Variants in HMG20A observed in about 807,000 individuals in gnomAD.
The protein encoded by HMG20A is high mobility group 20A.
In HMG20A, 17 loss-of-function variants were observed where a neutral mutation model predicts 43.9. The ratio of observed to expected loss-of-function variants is 0.39; its 90% CI spans 0.27 to 0.58. The LOEUF (loss-of-function observed/expected upper bound fraction) is 0.58. HMG20A is among the 20% of genes least tolerant of loss of function. HMG20A has a pLI of 0.59. For synonymous variants in HMG20A, 132 were observed against 147.5 expected, an observed-to-expected ratio of 0.89 and a Z score of 0.76; for missense variants, 341 against 438.2, an observed-to-expected ratio of 0.78 and a Z score of 1.98.
At chr15:77,517,141 G>A in the HMG20A span, among the ~76,000 whole-genome samples, 166 of 152,300 alleles carry the variant, frequency 1.1e-3, no homozygotes, top group African/African-American at 3.9e-3. Flanking sequence ...GAATCCCTGT[G>A]GGGATCCACG....
At chr15:77,467,371 A>T (rs1333922866) in intron 4 of HMG20A, 64 bp downstream of exon 4, 2 of 1,341,276 alleles carry the variant, frequency 1.5e-6, no homozygotes, top group Admixed American at 1.8e-5. Context: ...AACTTATATA[A>T]GAAAAGCAAA....
intron 1 of HMG20A, among the ~76,000 whole-genome samples, chr15:77,448,809 C>T (rs1006400545): frequency 3.3e-5 from 5 of 150,154 alleles, no homozygotes; most frequent in Admixed American, 6.6e-5. Flanking sequence ...TAAGGCCGGG[C>T]GCGGTGGCTC....
At chr15:77,441,150 T>C (rs1159744101) in intron 1 of HMG20A, among the ~76,000 whole-genome samples, 1 of 152,184 alleles carries the variant, frequency 6.6e-6, no homozygotes, top group Non-Finnish European at 1.5e-5. Flanking sequence ...TTCTCATTTA[T>C]AGGATAAGAA....
rs201670493 is a variant in HMG20A, at chr15:77,478,485, C to A, written c.882C>A (p.Ser294Arg). 6.5e-5 allele frequency: 105 copies of A among 1,610,690 alleles called. 2 individuals are homozygous for A. The highest frequency in any genetic ancestry group is 1.7e-6 in the Non-Finnish European group (2 of 1,180,004). ...HLETLRQVLT[S>R]SFASMPLPGS... The stretch of plus-strand genomic sequence containing the variant: ...AGACCCTGCGGCAGGTGCTGACCAG[C>A]AGCTTTGCCAGCATGCCCTTGCCTG... The change falls in exon 8 of 10, where the codon AGC (serine) becomes AGA (arginine). Residue 294 changes from serine (S) to arginine (R), a missense_variant. Coordinates refer to ENST00000336216, the MANE Select transcript of HMG20A (RefSeq NM_001304504.2).
At chr15:77,490,959 C>A in the HMG20A span, among the ~76,000 whole-genome samples, 4 of 152,196 alleles carry the variant, frequency 2.6e-5, no homozygotes, top group Admixed American at 6.5e-5. Flanking sequence ...CATGTGCACA[C>A]ATGTAGATCC....
chr15:77,519,513 A>C, the HMG20A span, among the ~76,000 whole-genome samples: 1 of 152,174 alleles, frequency 6.6e-6, no homozygotes, highest in East Asian at 1.9e-4. Context: ...CGAGTCCTGA[A>C]GGCTCTGCCC....
chr15:77,461,515 C>T (rs2072704969), intron 2 of HMG20A, among the ~76,000 whole-genome samples: 1 of 152,124 alleles, frequency 6.6e-6, no homozygotes, highest in South Asian at 2.1e-4. Flanking sequence ...GGTGTGAGAT[C>T]AAGGGTGCAA....
At chr15:77,509,260 C>T in the HMG20A span, among the ~76,000 whole-genome samples, 1 of 151,830 alleles carries the variant, frequency 6.6e-6, no homozygotes, top group African/African-American at 2.4e-5. Context: ...TTTCATCTTT[C>T]TTTCTTTCTC....
At chr15:77,496,820 G>A in the HMG20A span, among the ~76,000 whole-genome samples, 1 of 152,220 alleles carries the variant, frequency 6.6e-6, no homozygotes, top group East Asian at 1.9e-4. Context: ...TGCTCTTGAG[G>A]GAGAAATAGA....
the HMG20A span, among the ~76,000 whole-genome samples, chr15:77,500,934 T>C: frequency 6.6e-6 from 1 of 152,294 alleles, no homozygotes; most frequent in South Asian, 2.1e-4. Flanking sequence ...AGGCTTTTCT[T>C]ACCTTGTCCT....
downstream of HMG20A, among the ~76,000 whole-genome samples, chr15:77,488,287 C>T (rs1366103728): frequency 6.6e-6 from 1 of 152,182 alleles, no homozygotes; most frequent in Non-Finnish European, 1.5e-5. Flanking sequence ...ACCAACTTCT[C>T]TTCATTTCAC....
intron 3 of HMG20A, among the ~76,000 whole-genome samples, chr15:77,466,391 A>G (rs182155673): frequency 1.3e-5 from 2 of 152,172 alleles, no homozygotes; most frequent in Non-Finnish European, 2.9e-5. Flanking sequence ...CAAAAAAAAA[A>G]TTAAAATAAA....
chr15:77,449,989 C>G lies in HMG20A; in HGVS notation c.-4-8415C>G, dbSNP rs561649494. ...TGGCAACCACTAATCTTTTTACTGT[C>G]TCCATACTTTTGCTTATCCAGGATG... On this transcript the variant is annotated intron_variant, in intron 1 of 9. Coordinates refer to ENST00000336216, the MANE Select transcript of HMG20A (RefSeq NM_001304504.2). Among the ~76,000 whole-genome samples, 6 of 152,312 alleles carry G rather than the reference C, an allele frequency of 3.9e-5. No individual in the cohort carries two copies. The South Asian group carries it at 1.2e-3, about 32-fold the overall frequency.
intron 1 of HMG20A, among the ~76,000 whole-genome samples, chr15:77,443,379 G>GATGATGATGATTATTATT (rs576920554): frequency 9.2e-4 from 121 of 131,308 alleles, no homozygotes; most frequent in African/African-American, 3.1e-3. Flanking sequence ...TGATGATGAT[G>GATGATGATGATTATTATT]ATTATTATTA....
At chr15:77,495,564 A>T in the HMG20A span, among the ~76,000 whole-genome samples, 2 of 152,120 alleles carry the variant, frequency 1.3e-5, no homozygotes, top group African/African-American at 4.8e-5. Context: ...AATAAAGAAC[A>T]ACAACAAAAA....
the HMG20A span, among the ~76,000 whole-genome samples, chr15:77,515,902 C>T: frequency 2.6e-5 from 4 of 151,786 alleles, no homozygotes; most frequent in Non-Finnish European, 5.9e-5. Flanking sequence ...AGGCCAGATC[C>T]GATTCAAAGG....
the HMG20A span, among the ~76,000 whole-genome samples, chr15:77,508,040 C>T: frequency 6.7e-3 from 1,020 of 152,274 alleles, 11 homozygotes; most frequent in East Asian, 0.03. Context: ...CCAAGCCCTA[C>T]GCACACAGTC....
chr15:77,486,444 A>G (rs62007340), downstream of HMG20A, among the ~76,000 whole-genome samples: 12,115 of 152,112 alleles, frequency 0.08, 588 homozygotes, highest in Non-Finnish European at 0.1. Context: ...TATTTTTAGT[A>G]GAGACAGGGT....
chr15:77,426,371 A>G (rs2073427684), intron 1 of HMG20A, among the ~76,000 whole-genome samples: 1 of 152,226 alleles, frequency 6.6e-6, no homozygotes, highest in Admixed American at 6.5e-5. Context: ...GTTGATTAAC[A>G]CATGTTTTAT....
Sources: allele counts gnomAD v4.1 joint callset (sites outside exome capture counted in the v4.1 genomes callset), GRCh38; gene constraint gnomAD v4.1.1; transcripts MANE v1.5; gene names NCBI Gene and HGNC (gene_info 2026-07-23, HGNC 2026-07-21).